Variants in PPP2R2B observed in about 807,000 individuals in gnomAD.
PPP2R2B encodes protein phosphatase 2 regulatory subunit Bbeta.
Under a neutral mutation model 46.0 loss-of-function variants are expected in PPP2R2B, and 5 were observed. The observed-to-expected ratio is 0.11, with a 90% CI of 0.06 to 0.23. The LOEUF (loss-of-function observed/expected upper bound fraction) is 0.23. Ranked by LOEUF, PPP2R2B falls within the 10% of genes least tolerant of loss-of-function variation. The probability of loss-of-function intolerance (pLI) is 1.00; values close to 1 mark genes in which losing one functional copy is unlikely to be tolerated. For synonymous variants in PPP2R2B, 215 were observed against 206.7 expected (o/e 1.04, Z -0.34); for missense variants, 367 against 575.0 (o/e 0.64, Z 3.70).
intron 1 of PPP2R2B, among the ~76,000 whole-genome samples, chr5:146,884,155 A>C (rs191429238): frequency 6.2e-4 from 92 of 147,922 alleles, no homozygotes; most frequent in African/African-American, 2.1e-3. Context: ...CAGTAGAAAC[A>C]CATTACTTGC....
At chr5:146,945,909 T>C (rs1378039026) in intron 1 of PPP2R2B, among the ~76,000 whole-genome samples, 2 of 152,146 alleles carry the variant, frequency 1.3e-5, no homozygotes, top group Non-Finnish European at 2.9e-5. Context: ...CCCTGCCTAA[T>C]GGTCAGTGTG....
intron 2 of PPP2R2B, among the ~76,000 whole-genome samples, chr5:146,865,396 T>C (rs1458767473): frequency 6.6e-6 from 1 of 152,058 alleles, no homozygotes; most frequent in Non-Finnish European, 1.5e-5. Context: ...CAGCTAGAAG[T>C]AAATTTGATT....
At chr5:146,733,071 A>ATATGGGCCG (rs1443261623) in intron 2 of PPP2R2B, among the ~76,000 whole-genome samples, 21 of 152,354 alleles carry the variant, frequency 1.4e-4, no homozygotes, top group Middle Eastern at 6.8e-3. Context: ...ATAGGGGAGA[A>ATATGGGCCG]TATGGGCCGA....
intron 1 of PPP2R2B, among the ~76,000 whole-genome samples, chr5:147,013,031 C>T (rs10073446): frequency 0.26 from 39,731 of 150,974 alleles, 6,005 homozygotes; most frequent in African/African-American, 0.41. Flanking sequence ...GCAACTTCAG[C>T]AAAGTCTCAG....
chr5:147,003,753 A>G (rs892974143), intron 1 of PPP2R2B, among the ~76,000 whole-genome samples: 3 of 152,118 alleles, frequency 2.0e-5, no homozygotes, highest in African/African-American at 7.2e-5. Flanking sequence ...AGGACTAAGG[A>G]GAATTAGGAA....
chr5:146,874,402 G>T (rs925441910), intron 2 of PPP2R2B, among the ~76,000 whole-genome samples: 9 of 152,180 alleles, frequency 5.9e-5, no homozygotes, highest in Non-Finnish European at 1.3e-4. Flanking sequence ...TTTTAAAAAG[G>T]CTTCTGAGGG....
chr5:146,659,355 C>T (rs930815172), intron 5 of PPP2R2B, among the ~76,000 whole-genome samples: 1 of 152,158 alleles, frequency 6.6e-6, no homozygotes, highest in Non-Finnish European at 1.5e-5. Flanking sequence ...ATTCAAAATT[C>T]TTCTGGAGGT....
intron 2 of PPP2R2B, chr5:146,856,629 T>C: frequency 7.2e-7 from 1 of 1,391,178 alleles, no homozygotes; most frequent in African/African-American, 1.4e-5. Context: ...GAGGTAGTGA[T>C]GCTTCAACTT....
At chr5:146,847,460 A>G (rs2151378654) in intron 2 of PPP2R2B, among the ~76,000 whole-genome samples, 1 of 152,174 alleles carries the variant, frequency 6.6e-6, no homozygotes, top group Middle Eastern at 3.4e-3. Flanking sequence ...TATCTGGTCA[A>G]CTTCTACTCT....
At chr5:146,787,287 A>T (rs1487265510) in intron 2 of PPP2R2B, among the ~76,000 whole-genome samples, 1 of 152,228 alleles carries the variant, frequency 6.6e-6, no homozygotes, top group Admixed American at 6.5e-5. Context: ...GGCCAACTCC[A>T]GCTAACTGTG....
chr5:146,676,353 G>A (rs1777713912), intron 5 of PPP2R2B, among the ~76,000 whole-genome samples: 1 of 152,028 alleles, frequency 6.6e-6, no homozygotes, highest in Non-Finnish European at 1.5e-5. Flanking sequence ...AGCATGATCT[G>A]GCCATAAGCT....
chr5:147,033,812 T>C (rs913116180), intron 1 of PPP2R2B, among the ~76,000 whole-genome samples: 3 of 152,196 alleles, frequency 2.0e-5, no homozygotes, highest in Non-Finnish European at 4.4e-5. Flanking sequence ...TCTTCTCTGC[T>C]GTTGCATTAA....
intron 1 of PPP2R2B, among the ~76,000 whole-genome samples, chr5:146,988,125 T>A (rs1381873941): frequency 6.6e-6 from 1 of 151,820 alleles, no homozygotes; most frequent in Non-Finnish European, 1.5e-5. Flanking sequence ...ATAAAGCAAA[T>A]ATTAACAGAC....
At chr5:147,064,959 G>C (rs958966475) in intron 2 of PPP2R2B, among the ~76,000 whole-genome samples, 3 of 152,194 alleles carry the variant, frequency 2.0e-5, no homozygotes, top group Non-Finnish European at 4.4e-5. Flanking sequence ...TGGAAAGCTA[G>C]TATTCTTTCA....
At chr5:147,079,434 T>TTATATATATA (rs1260007870) in intron 2 of PPP2R2B, among the ~76,000 whole-genome samples, 78 of 80,964 alleles carry the variant, frequency 9.6e-4, no homozygotes, top group African/African-American at 3.0e-3. Flanking sequence ...CACACACATT[T>TTATATATATA]TATATATATA....
At chr5:146,942,973 G>T (rs1272455383) in intron 1 of PPP2R2B, among the ~76,000 whole-genome samples, 1 of 151,816 alleles carries the variant, frequency 6.6e-6, no homozygotes, top group South Asian at 2.1e-4. Flanking sequence ...AATTTTTTTT[G>T]TACTTAGTAG....
At chr5:147,052,014 G>C (rs1756851281) in intron 1 of PPP2R2B, among the ~76,000 whole-genome samples, 1 of 151,846 alleles carries the variant, frequency 6.6e-6, no homozygotes. Context: ...CTACCAAGGG[G>C]AAGGAGTTAT....
intron 1 of PPP2R2B, among the ~76,000 whole-genome samples, chr5:146,960,803 G>T (rs1462000785): frequency 6.6e-6 from 1 of 152,116 alleles, no homozygotes; most frequent in Non-Finnish European, 1.5e-5. Context: ...AAAAAGACAG[G>T]CATGATTTCT....
At chr5:146,706,524 G>A (rs568164785) in intron 2 of PPP2R2B, 3 of 1,176,262 alleles carry the variant, frequency 2.6e-6, no homozygotes, top group South Asian at 2.4e-5. Context: ...CAGCTGCCGC[G>A]CCATGTCCTA....
Sources: allele counts gnomAD v4.1 joint callset (sites outside exome capture counted in the v4.1 genomes callset), GRCh38; gene constraint gnomAD v4.1.1; transcripts MANE v1.5; gene names NCBI Gene and HGNC (gene_info 2026-07-23, HGNC 2026-07-21).